Variants in HOXC5 observed in about 807,000 individuals in gnomAD.
The protein encoded by HOXC5 is homeobox protein Hox-C5.
A neutral mutation model predicts 20.1 loss-of-function variants in HOXC5; 19 were observed. That is an observed-to-expected ratio of 0.94 (90% CI 0.66 to 1.38). The LOEUF is 1.38. HOXC5 is among the 40% of genes most tolerant of loss of function. The pLI is 0.00. For missense variants in HOXC5, 330 were observed against 300.1 expected (o/e 1.10, Z -0.74); for synonymous variants, 124 against 117.0 (o/e 1.06, Z -0.39).
chr12:54,026,717 G>A, the HOXC5 span, among the ~76,000 whole-genome samples: 20 of 152,232 alleles, frequency 1.3e-4, no homozygotes, highest in African/African-American at 4.8e-4. Flanking sequence ...GTCTCCACCA[G>A]CTCCTGCACA....
chr12:54,033,461 G>GTA lies in HOXC5; in HGVS notation c.339_340insTA (p.Ser114Ter). ...GCCCGGCGCTGGAGGAGCGAGCTAA[G>GTA]AGCAGTGGGGAGATCAAAGAGGAGC... On this transcript the variant is annotated frameshift_variant, in exon 1 of 2. Coordinates refer to ENST00000312492, the MANE Select transcript of HOXC5 (RefSeq NM_018953.4). LOFTEE classifies it high-confidence loss of function. 1 of 1,598,676 alleles carries GTA rather than the reference G, an allele frequency of 6.3e-7. No individual in the cohort carries two copies. The highest frequency in any genetic ancestry group is 8.5e-7 in the Non-Finnish European group (1 of 1,174,392).
upstream of HOXC5, chr12:54,028,573 C>A (rs1397781457): frequency 6.2e-7 from 1 of 1,614,116 alleles, no homozygotes; most frequent in Admixed American, 1.7e-5. Flanking sequence ...CGCCGGGGGC[C>A]AGGACGTCCT....
chr12:54,028,725 G>A, upstream of HOXC5: 3 of 1,614,144 alleles, frequency 1.9e-6, no homozygotes, highest in Non-Finnish European at 2.5e-6. Flanking sequence ...CCAGCCGGGG[G>A]CCGTATGACT....
At chr12:54,019,156 C>A in the HOXC5 span, among the ~76,000 whole-genome samples, 4 of 147,226 alleles carry the variant, frequency 2.7e-5, no homozygotes, top group Admixed American at 2.7e-4. Flanking sequence ...GAAGAAATGG[C>A]ATTTTCTCTC....
chr12:54,029,490 G>C (rs1319533204), upstream of HOXC5: 4 of 553,064 alleles, frequency 7.2e-6, no homozygotes, highest in Non-Finnish European at 1.2e-5. Context: ...GGTCCTCGCT[G>C]TACCCCCAGT....
the HOXC5 span, among the ~76,000 whole-genome samples, chr12:54,024,865 T>A: frequency 1.3e-5 from 2 of 152,228 alleles, no homozygotes; most frequent in African/African-American, 4.8e-5. Context: ...TAAATTTCTC[T>A]CCTATAATTA....
At chr12:54,023,460 T>G in the HOXC5 span, among the ~76,000 whole-genome samples, 1 of 152,256 alleles carries the variant, frequency 6.6e-6, no homozygotes, top group East Asian at 1.9e-4. Flanking sequence ...AGCCCTTCCA[T>G]ATACCTTTCT....
chr12:54,017,673 C>T, the HOXC5 span, among the ~76,000 whole-genome samples: 1 of 152,014 alleles, frequency 6.6e-6, no homozygotes, highest in African/African-American at 2.4e-5. Context: ...GGGAACAGCA[C>T]CTGTGGGGCT....
chr12:54,032,583 C>A (rs1447077452), upstream of HOXC5, among the ~76,000 whole-genome samples: 4 of 152,232 alleles, frequency 2.6e-5, no homozygotes, highest in African/African-American at 9.6e-5. Context: ...AAAAAGCACT[C>A]TGTGCGTTAT....
At chr12:54,029,684 G>A (rs1323944457), upstream of HOXC5, 1 of 1,613,510 alleles carries the variant, frequency 6.2e-7, no homozygotes, top group Non-Finnish European at 8.5e-7. Context: ...CCGGAGGCGC[G>A]GCCGCCAGAT....
the HOXC5 span, among the ~76,000 whole-genome samples, chr12:54,022,797 C>T: frequency 6.6e-6 from 1 of 152,090 alleles, no homozygotes; most frequent in Non-Finnish European, 1.5e-5. Flanking sequence ...ACTGTGATGT[C>T]ATAATACCGA....
chr12:54,028,566 C>CG (rs1565741093), upstream of HOXC5: 1 of 1,614,088 alleles, frequency 6.2e-7, no homozygotes, highest in South Asian at 1.1e-5. Flanking sequence ...GCCACCTCGC[C>CG]GGGGGCCAGG....
chr12:54,034,080 T>C, intron 1 of HOXC5, 198 bp from the exon 2 acceptor site: 1 of 714,004 alleles, frequency 1.4e-6, no homozygotes, highest in Non-Finnish European at 2.6e-6. Context: ...AAGGCTGCGG[T>C]GGAAAGTTTC....
At chr12:54,025,710 C>T in the HOXC5 span, among the ~76,000 whole-genome samples, 22 of 152,206 alleles carry the variant, frequency 1.4e-4, no homozygotes, top group African/African-American at 5.1e-4. Context: ...TGTTTAGGGA[C>T]GTCATAAAAC....
upstream of HOXC5, chr12:54,028,621 G>A (rs765400909): frequency 1.9e-6 from 3 of 1,614,126 alleles, no homozygotes; most frequent in Non-Finnish European, 2.5e-6. Context: ...CTATGATCCA[G>A]TGAGGCATTT....
chr12:54,029,034 G>A, upstream of HOXC5: 1 of 1,038,040 alleles, frequency 9.6e-7, no homozygotes, highest in South Asian at 1.6e-5. Flanking sequence ...AAACAATCAC[G>A]CTCGTCTCCT....
At chr12:54,025,017 C>G in the HOXC5 span, among the ~76,000 whole-genome samples, 1 of 152,158 alleles carries the variant, frequency 6.6e-6, no homozygotes, top group Non-Finnish European at 1.5e-5. Context: ...AAAATCTGCT[C>G]TTGACACCAA....
the HOXC5 span, among the ~76,000 whole-genome samples, chr12:54,027,356 A>T: frequency 2.6e-5 from 4 of 152,056 alleles, no homozygotes; most frequent in East Asian, 3.9e-4. Flanking sequence ...CTGAGTCTGG[A>T]GGGGGCAGGG....
the HOXC5 span, among the ~76,000 whole-genome samples, chr12:54,023,039 A>T: frequency 1.1e-4 from 17 of 152,166 alleles, no homozygotes; most frequent in African/African-American, 3.9e-4. Context: ...AAGCAGGGCC[A>T]CTTGCTTTGC....
Sources: gnomAD v4.1 joint callset for allele counts (sites outside exome capture counted in the v4.1 genomes callset) on GRCh38, gnomAD v4.1.1 for gene constraint, MANE v1.5 for transcripts, NCBI Gene and HGNC (gene_info 2026-07-23, HGNC 2026-07-21) for gene names.